SGCD: variants seen among roughly 807,000 people sequenced by gnomAD.
SGCD encodes delta-sarcoglycan.
In SGCD, 18 loss-of-function variants were observed where a neutral mutation model predicts 36.6. The ratio of observed to expected loss-of-function variants is 0.49; its 90% confidence interval spans 0.34 to 0.73. SGCD has a LOEUF of 0.73. Ranked by LOEUF, SGCD falls within the 30% of genes least tolerant of loss-of-function variation. SGCD has a pLI of 0.01. For synonymous variants in SGCD, 133 were observed against 130.6 expected (o/e 1.02, Z -0.12); for missense variants, 387 against 346.7 (o/e 1.12, Z -0.92).
intron 1 of SGCD, among the ~76,000 whole-genome samples, chr5:156,058,095 C>T (rs1760106989): frequency 6.9e-6 from 1 of 145,740 alleles, no homozygotes; most frequent in African/African-American, 2.5e-5. Flanking sequence ...AATGGGTGAA[C>T]CAAATTATAT....
At chr5:156,265,978 C>A (rs1765990135) in intron 3 of SGCD, among the ~76,000 whole-genome samples, 1 of 152,038 alleles carries the variant, frequency 6.6e-6, no homozygotes, top group Admixed American at 6.6e-5. Flanking sequence ...TAATGTTGAC[C>A]ATGAGTACAT....
intron 6 of SGCD, among the ~76,000 whole-genome samples, chr5:156,645,508 A>T (rs947147248): frequency 6.6e-6 from 1 of 152,204 alleles, no homozygotes; most frequent in African/African-American, 2.4e-5. Context: ...AGCAAGCATT[A>T]CTTGATGGTA....
intron 7 of SGCD, among the ~76,000 whole-genome samples, chr5:156,744,720 A>G (rs1756863590): frequency 6.6e-6 from 1 of 152,194 alleles, no homozygotes; most frequent in African/African-American, 2.4e-5. Context: ...ATGATCAACA[A>G]ACTTCCATGG....
chr5:156,583,473 G>C (rs1394109015), intron 4 of SGCD, among the ~76,000 whole-genome samples: 2 of 152,090 alleles, frequency 1.3e-5, no homozygotes, highest in East Asian at 3.9e-4. Flanking sequence ...TCCAGTTCAG[G>C]TTGCTATTGT....
intron 3 of SGCD, among the ~76,000 whole-genome samples, chr5:156,375,842 T>C (rs60618824): frequency 6.6e-6 from 1 of 152,182 alleles, no homozygotes; most frequent in Admixed American, 6.5e-5. Flanking sequence ...AGAGTTTATT[T>C]TGGAAACTCT....
intron 1 of SGCD, among the ~76,000 whole-genome samples, chr5:155,917,692 G>A (rs1756783251): frequency 6.6e-6 from 1 of 152,168 alleles, no homozygotes; most frequent in South Asian, 2.1e-4. Context: ...CTTATCAGGA[G>A]ACAGCTCACC....
At chr5:156,531,134 G>T (rs1757873606) in intron 4 of SGCD, among the ~76,000 whole-genome samples, 1 of 152,160 alleles carries the variant, frequency 6.6e-6, no homozygotes, top group Non-Finnish European at 1.5e-5. Flanking sequence ...TTCGTGCAGT[G>T]TTTGGCATTT....
chr5:156,615,369 A>T (rs930023862), intron 6 of SGCD, among the ~76,000 whole-genome samples: 9 of 152,248 alleles, frequency 5.9e-5, no homozygotes, highest in Non-Finnish European at 2.9e-5. Context: ...ATGCCACTTG[A>T]TGCTAATTAT....
intron 1 of SGCD, among the ~76,000 whole-genome samples, chr5:155,911,306 T>TGG (rs1182329884): frequency 1.0e-5 from 1 of 98,554 alleles, no homozygotes; most frequent in East Asian, 3.2e-4. Flanking sequence ...TGTGTGTGTG[T>TGG]GTGTGTGTGT....
intron 4 of SGCD, among the ~76,000 whole-genome samples, chr5:156,561,985 G>A (rs1195997554): frequency 6.6e-6 from 1 of 152,090 alleles, no homozygotes; most frequent in Non-Finnish European, 1.5e-5. Context: ...CACATGTATT[G>A]TACAAGGAGG....
chr5:155,821,311 G>A, the SGCD span, among the ~76,000 whole-genome samples: 1 of 147,962 alleles, frequency 6.8e-6, no homozygotes, highest in Admixed American at 6.8e-5. Context: ...TCATTGAAGA[G>A]TTTTTTTTTT....
At chr5:155,738,320 C>T in the SGCD span, among the ~76,000 whole-genome samples, 4 of 152,202 alleles carry the variant, frequency 2.6e-5, no homozygotes, top group Non-Finnish European at 5.9e-5. Context: ...CATCCCTGAT[C>T]CCAAGTCCTT....
chr5:156,216,591 C>T (rs1340998550), intron 3 of SGCD, among the ~76,000 whole-genome samples: 3 of 152,100 alleles, frequency 2.0e-5, no homozygotes, highest in African/African-American at 7.2e-5. Flanking sequence ...CTGCATAGCA[C>T]CTTTTAAATA....
chr5:156,709,512 G>T (rs745882988), intron 7 of SGCD, among the ~76,000 whole-genome samples: 1 of 152,174 alleles, frequency 6.6e-6, no homozygotes, highest in Admixed American at 6.5e-5. Context: ...AGGAAAAAAG[G>T]GTTTGTGCTG....
intron 3 of SGCD, among the ~76,000 whole-genome samples, chr5:156,387,821 T>C (rs1771351526): frequency 6.6e-6 from 1 of 152,150 alleles, no homozygotes; most frequent in South Asian, 2.1e-4. Context: ...CAAAATAAAA[T>C]ATACAAGACG....
chr5:156,693,595 A>G (rs17053768), intron 7 of SGCD, among the ~76,000 whole-genome samples: 5,315 of 152,274 alleles, frequency 0.035, 144 homozygotes, highest in Middle Eastern at 0.088. Context: ...GGGGACATCA[A>G]TACATCTGTT....
intron 3 of SGCD, among the ~76,000 whole-genome samples, chr5:156,321,199 C>T (rs1402783714): frequency 6.6e-6 from 1 of 152,192 alleles, no homozygotes; most frequent in Non-Finnish European, 1.5e-5. Flanking sequence ...GTGGGTGGAT[C>T]AGGAGGTCAG....
chr5:156,005,599 T>C (rs1004112360), intron 1 of SGCD, among the ~76,000 whole-genome samples: 4 of 152,110 alleles, frequency 2.6e-5, no homozygotes, highest in Admixed American at 1.3e-4. Context: ...TACAGGCGCC[T>C]GCCGCCGCAC....
At chr5:156,000,697 C>T (rs1758645484) in intron 1 of SGCD, among the ~76,000 whole-genome samples, 1 of 152,052 alleles carries the variant, frequency 6.6e-6, no homozygotes, top group African/African-American at 2.4e-5. Flanking sequence ...TCCGAGGAAC[C>T]CTAGGGTTCT....
Sources: gnomAD v4.1 joint callset for allele counts (sites outside exome capture counted in the v4.1 genomes callset) on GRCh38, gnomAD v4.1.1 for gene constraint, MANE v1.5 for transcripts, NCBI Gene and HGNC (gene_info 2026-07-23, HGNC 2026-07-21) for gene names.